The following NSG2 variants were observed in gnomAD, a reference collection of about 807,000 sequenced individuals.
The protein encoded by NSG2 is neuronal vesicle trafficking-associated protein 2.
In NSG2, 4 loss-of-function variants were observed where a neutral mutation model predicts 16.9. That is an observed-to-expected ratio of 0.24 (90% CI 0.12 to 0.54). The LOEUF (loss-of-function observed/expected upper bound fraction) is 0.54. Ranked by LOEUF, NSG2 falls within the 20% of genes least tolerant of loss-of-function variation. The pLI is 0.95. For missense variants in NSG2, 179 were observed against 221.1 expected (o/e 0.81, Z 1.21); for synonymous variants, 98 against 88.7 (o/e 1.11, Z -0.59).
In NSG2 at chr5:174,099,118, T is replaced by C. The variant is rs545059048; in HGVS notation, c.214-5110T>C. On this transcript the variant is annotated intron_variant, in intron 3 of 4. Coordinates refer to ENST00000303177, the MANE Select transcript of NSG2 (RefSeq NM_015980.5). Reference sequence around the variant, plus strand: ...TGCAGGGATCAGGCACGTAGGCCCCTGAATTTCACAAATCCACCAGAAAGG... The same window carrying C: ...TGCAGGGATCAGGCACGTAGGCCCCCGAATTTCACAAATCCACCAGAAAGG... Among the ~76,000 whole-genome samples the C allele has an allele frequency of 1.2e-3, 176 of 152,228 alleles. 1 individual carries two copies. In the South Asian group the frequency reaches 0.012, roughly 10 times the overall value.
At chr5:174,050,392 C>T (rs907079179) in intron 2 of NSG2, among the ~76,000 whole-genome samples, 3 of 152,128 alleles carry the variant, frequency 2.0e-5, no homozygotes, top group Admixed American at 1.3e-4. Context: ...AGACTTGTTC[C>T]AGGCCAGGGA....
At chr5:174,080,461 T>G (rs1312153423) in intron 3 of NSG2, among the ~76,000 whole-genome samples, 2 of 151,680 alleles carry the variant, frequency 1.3e-5, no homozygotes, top group African/African-American at 4.8e-5. Flanking sequence ...CTTTAAAATA[T>G]TGAGATTTTC....
chr5:174,102,651 A>G (rs985190837), intron 3 of NSG2, among the ~76,000 whole-genome samples: 5 of 151,730 alleles, frequency 3.3e-5, no homozygotes, highest in African/African-American at 4.8e-5. Flanking sequence ...GTGTTGTATT[A>G]TTTTTTTTAA....
rs1226130884 is a variant in NSG2 at position 174,083,928 on chromosome 5, A to G, written c.213+19613A>G. 3.3e-5 allele frequency among the ~76,000 whole-genome samples: 5 copies of G among 152,218 alleles called. No homozygotes were observed. The East Asian group carries it at 5.8e-4, about 18-fold the overall frequency. Reference sequence around the variant, plus strand: ...AGAGAAGTGACTTGTCCAAGGCCACATGCGTTAGATAGGGGCCATTTGTGT... The same window carrying G: ...AGAGAAGTGACTTGTCCAAGGCCACGTGCGTTAGATAGGGGCCATTTGTGT... On this transcript the variant is annotated intron_variant, in intron 3 of 4. Coordinates refer to ENST00000303177, the MANE Select transcript of NSG2 (RefSeq NM_015980.5).
chr5:174,090,459 T>G (rs1194936624), intron 3 of NSG2, among the ~76,000 whole-genome samples: 1 of 152,172 alleles, frequency 6.6e-6, no homozygotes, highest in Non-Finnish European at 1.5e-5. Flanking sequence ...AGTTTCAGAC[T>G]CCAGGTGTTC....
At chr5:174,095,010 A>G (rs571011150) in intron 3 of NSG2, among the ~76,000 whole-genome samples, 1 of 152,366 alleles carries the variant, frequency 6.6e-6, no homozygotes, top group Non-Finnish European at 1.5e-5. Flanking sequence ...ACAAAGTGTA[A>G]TGAGAGCAAA....
intron 2 of NSG2, among the ~76,000 whole-genome samples, chr5:174,048,909 C>A (rs941785612): frequency 2.0e-5 from 3 of 152,234 alleles, no homozygotes; most frequent in Non-Finnish European, 4.4e-5. Context: ...CAGTTTGACA[C>A]TCTGATTGTC....
intron 2 of NSG2, among the ~76,000 whole-genome samples, chr5:174,059,301 A>G (rs1760013699): frequency 6.6e-6 from 1 of 152,082 alleles, no homozygotes; most frequent in African/African-American, 2.4e-5. Flanking sequence ...GAGGCATTCC[A>G]TTTTCTGAGT....
At chr5:174,089,146 G>A (rs1760681276) in intron 3 of NSG2, among the ~76,000 whole-genome samples, 1 of 152,194 alleles carries the variant, frequency 6.6e-6, no homozygotes, top group Admixed American at 6.5e-5. Context: ...TCACTGACAA[G>A]GAGGTCTGTC....
intron 3 of NSG2, among the ~76,000 whole-genome samples, chr5:174,102,321 A>C (rs1760907250): frequency 6.6e-6 from 1 of 152,116 alleles, no homozygotes; most frequent in Admixed American, 6.5e-5. Context: ...TTTCCTTATA[A>C]ACATGCCCTG....
intron 3 of NSG2, among the ~76,000 whole-genome samples, chr5:174,086,928 T>G (rs922775266): frequency 4.6e-5 from 7 of 152,238 alleles, no homozygotes; most frequent in African/African-American, 1.7e-4. Context: ...ATGTTCCAGT[T>G]CAAACTGTGC....
chr5:174,064,571 T>G (rs1760109755), intron 3 of NSG2: 2 of 308,868 alleles, frequency 6.5e-6, no homozygotes, highest in Non-Finnish European at 1.2e-5. Flanking sequence ...GCCTCTTCTA[T>G]TCCTTCTCCT....
intron 3 of NSG2, chr5:174,066,111 C>A: frequency 2.2e-6 from 1 of 447,312 alleles, no homozygotes; most frequent in Non-Finnish European, 4.5e-6. Context: ...AGTGTGGTCC[C>A]TCTGTGTGCA....
chr5:174,099,273 C>A (rs1412301712), intron 3 of NSG2, among the ~76,000 whole-genome samples: 1 of 152,178 alleles, frequency 6.6e-6, no homozygotes, highest in Non-Finnish European at 1.5e-5. Context: ...ACAACTGCAT[C>A]ATCCAGAATC....
At position 174,064,276 on chromosome 5, in the gene NSG2, C is replaced by T. The variant is rs200033983; in HGVS notation, c.174C>T (p.Asn58=). The change falls in exon 3 of 5, where the codon AAC becomes AAT. Residue 58 remains asparagine (N), a synonymous_variant. Coordinates refer to ENST00000303177, the MANE Select transcript of NSG2 (RefSeq NM_015980.5). Reference sequence around the variant, plus strand: ...CGGAATATCAGCCGGAACAGAAGAACAAAGGGAAGTTCCGGGTGCCGAAAA... The same window carrying T: ...CGGAATATCAGCCGGAACAGAAGAATAAAGGGAAGTTCCGGGTGCCGAAAA... The part of the protein sequence containing the change: ...TRTEYQPEQK[N]KGKFRVPKIA... 2.5e-6 allele frequency: 4 copies of T among 1,611,652 alleles called. No individual in the cohort carries two copies. The highest frequency in any genetic ancestry group is 1.7e-5 in the Admixed American group (1 of 59,928).
At chr5:174,054,955 A>G (rs1277017236) in intron 2 of NSG2, among the ~76,000 whole-genome samples, 1 of 152,250 alleles carries the variant, frequency 6.6e-6, no homozygotes, top group Non-Finnish European at 1.5e-5. Context: ...TAAAATGAGG[A>G]AAATACATAG....
At chr5:174,092,637 G>A (rs1760736867) in intron 3 of NSG2, among the ~76,000 whole-genome samples, 1 of 152,186 alleles carries the variant, frequency 6.6e-6, no homozygotes, top group African/African-American at 2.4e-5. Flanking sequence ...ACAACAAGAA[G>A]CATTAATTTG....
intron 2 of NSG2, among the ~76,000 whole-genome samples, chr5:174,060,732 T>C (rs1488483927): frequency 6.6e-6 from 1 of 152,194 alleles, no homozygotes; most frequent in Non-Finnish European, 1.5e-5. Flanking sequence ...ATTGAGGCTG[T>C]CGACAGATTT....
intron 2 of NSG2, among the ~76,000 whole-genome samples, chr5:174,061,361 A>G (rs1201579469): frequency 6.6e-6 from 1 of 152,234 alleles, no homozygotes; most frequent in African/African-American, 2.4e-5. Flanking sequence ...ACCTGCATGT[A>G]TGTTCTTTCA....
Sources: allele counts gnomAD v4.1 joint callset (sites outside exome capture counted in the v4.1 genomes callset), GRCh38; gene constraint gnomAD v4.1.1; transcripts MANE v1.5; gene names NCBI Gene and HGNC (gene_info 2026-07-23, HGNC 2026-07-21).